The following ZNF385D variants were observed in gnomAD, a reference collection of about 807,000 sequenced individuals.
ZNF385D encodes the protein zinc finger protein 659.
ZNF385D carries 15 observed loss-of-function variants against 35.8 expected under a neutral mutation model. The observed-to-expected ratio is 0.42, with a 90% confidence interval of 0.28 to 0.64. ZNF385D has a LOEUF of 0.64. Among genes scored for constraint, ZNF385D ranks in the 30% least tolerant of loss-of-function variants. The pLI is 0.23. For missense variants in ZNF385D, 474 were observed against 494.6 expected (o/e 0.96, Z 0.39); for synonymous variants, 212 against 186.8 (o/e 1.13, Z -1.10).
chr3:22,352,863 ACT>A lies in ZNF385D; in HGVS notation c.106+19585_106+19586del, dbSNP rs1407688464. On this transcript the variant is annotated intron_variant, in intron 2 of 5. Transcript: ENST00000494108. ...AGTCTAATTCTATAATCTTTCAGTC[ACT>A]TTCAAGTTGTTAAGAGTCACTCAAT... Among the ~76,000 whole-genome samples, 10 of 152,196 alleles carry A rather than the reference ACT, an allele frequency of 6.6e-5. No individual in the cohort carries two copies. The East Asian group carries it at 1.7e-3, about 26-fold the overall frequency.
At chr3:21,861,222 A>AT (rs112002570) in intron 3 of ZNF385D, among the ~76,000 whole-genome samples, 3,131 of 152,082 alleles carry the variant, frequency 0.021, 120 homozygotes, top group African/African-American at 0.07. Flanking sequence ...AACAAGTTCT[A>AT]TTTTTTTCGT....
In ZNF385D at chr3:21,757,874, C is replaced by T. The variant is rs77702874; in HGVS notation, c.326-92846G>A. ...TATCATGTTCATGCTATAACCAATG[C>T]CTCAGATGGTGTCTGAAACATAGGA... is the stretch of plus-strand genomic sequence containing the variant. On this transcript the variant is annotated intron_variant, in intron 3 of 5. Coordinates refer to the ZNF385D transcript ENST00000494108. Among the ~76,000 whole-genome samples, 847 of 152,246 alleles carry T rather than the reference C, an allele frequency of 5.6e-3. 14 individuals are homozygous for T. The highest frequency in any genetic ancestry group is 0.02 in the African/African-American group (821 of 41,550).
chr3:21,858,765 G>A (rs1023733705), intron 3 of ZNF385D, among the ~76,000 whole-genome samples: 1 of 152,040 alleles, frequency 6.6e-6, no homozygotes, highest in East Asian at 1.9e-4. Flanking sequence ...CCATGTTCCC[G>A]AATTTTATAG....
At chr3:21,484,495 T>A (rs1704879442) in intron 4 of ZNF385D, among the ~76,000 whole-genome samples, 1 of 152,128 alleles carries the variant, frequency 6.6e-6, no homozygotes, top group African/African-American at 2.4e-5. Context: ...CTGCGATGTC[T>A]CTCCAGTGCC....
chr3:22,313,121 C>T (rs1040313129), intron 2 of ZNF385D, among the ~76,000 whole-genome samples: 6 of 151,816 alleles, frequency 4.0e-5, no homozygotes, highest in Non-Finnish European at 2.9e-5. Context: ...AAACTGGAAA[C>T]CATCATTCTC....
chr3:21,778,971 T>TA (rs1020880266), intron 3 of ZNF385D, among the ~76,000 whole-genome samples: 1 of 151,976 alleles, frequency 6.6e-6, no homozygotes, highest in African/African-American at 2.4e-5. Flanking sequence ...CAGTGAGAAC[T>TA]AAATTTTGCC....
intron 2 of ZNF385D, among the ~76,000 whole-genome samples, chr3:22,367,810 TATAAG>T (rs1209225123): frequency 6.6e-6 from 1 of 152,092 alleles, no homozygotes; most frequent in Non-Finnish European, 1.5e-5. Context: ...AATCAGAACA[TATAAG>T]ATAACAAAAA....
intron 3 of ZNF385D, chr3:21,877,867 T>G (rs2125858084): frequency 6.6e-6 from 1 of 152,168 alleles, no homozygotes; most frequent in East Asian, 1.9e-4. Context: ...TAAATTTATT[T>G]GGGAAGTTAC....
At chr3:21,869,693 T>C (rs1344712152) in intron 3 of ZNF385D, among the ~76,000 whole-genome samples, 2 of 152,090 alleles carry the variant, frequency 1.3e-5, no homozygotes, top group Admixed American at 6.6e-5. Flanking sequence ...CAACATAAGA[T>C]GAAAAATAAA....
chr3:21,735,571 G>A (rs547002058), intron 1 of ZNF385D, among the ~76,000 whole-genome samples: 3 of 152,166 alleles, frequency 2.0e-5, no homozygotes, highest in African/African-American at 4.8e-5. Flanking sequence ...TCACCAGGAT[G>A]GGGGAGAATG....
In ZNF385D at chr3:22,212,192, A is replaced by G. The variant is rs115291284; in HGVS notation, c.107-43157T>C. Among the ~76,000 whole-genome samples, 1,035 of 152,110 alleles carry G rather than the reference A, an allele frequency of 6.8e-3. 9 individuals are homozygous for G. Among genetic ancestry groups the G allele is most frequent in the African/African-American group, 0.023 (967 of 41,538 alleles). The stretch of plus-strand genomic sequence containing the variant: ...GAGTGCAAAGGACTGAGGAAGAGGG[A>G]GAAAAGACAGGTGGAAGAAGGAGGT... On this transcript the variant is annotated intron_variant, in intron 2 of 5. Coordinates refer to the ZNF385D transcript ENST00000494108.
At chr3:22,184,798 G>A (rs1228116975) in intron 2 of ZNF385D, among the ~76,000 whole-genome samples, 4 of 152,188 alleles carry the variant, frequency 2.6e-5, no homozygotes, top group Non-Finnish European at 4.4e-5. Context: ...GTGAAACTAC[G>A]TCTCAAACAA....
chr3:22,333,952 T>G (rs896528503), intron 2 of ZNF385D, among the ~76,000 whole-genome samples: 10 of 152,244 alleles, frequency 6.6e-5, no homozygotes, highest in Non-Finnish European at 8.8e-5. Flanking sequence ...ACTTGTTCCA[T>G]ACATTCTCTT....
At chr3:22,066,070 A>G (rs1191746535) in intron 3 of ZNF385D, among the ~76,000 whole-genome samples, 1 of 152,164 alleles carries the variant, frequency 6.6e-6, no homozygotes, top group Non-Finnish European at 1.5e-5. Flanking sequence ...TATCTTCCAG[A>G]GATGTTGTCA....
intron 2 of ZNF385D, among the ~76,000 whole-genome samples, chr3:22,238,157 A>G (rs1168021698): frequency 6.6e-6 from 1 of 151,152 alleles, no homozygotes; most frequent in African/African-American, 2.4e-5. Flanking sequence ...CTATTCTACT[A>G]ATCTACATAT....
Position 22,303,746 on chromosome 3 carries a change from G to A in ZNF385D, c.106+68704C>T, listed in dbSNP as rs138409710. Among the ~76,000 whole-genome samples the A allele has an allele frequency of 4.6e-4, 70 of 152,048 alleles. 1 individual carries two copies. In the East Asian group the frequency reaches 0.011, roughly 23 times the overall value. ...CTCAATAATTTTATTTCCTCATTCT[G>A]AGTGTTTTTGGCATTTACTTCTGTT... On this transcript the variant is annotated intron_variant, in intron 2 of 5. Transcript: ENST00000494108.
intron 2 of ZNF385D, among the ~76,000 whole-genome samples, chr3:22,358,393 T>C (rs1696252322): frequency 6.6e-6 from 1 of 151,888 alleles, no homozygotes; most frequent in Non-Finnish European, 1.5e-5. Flanking sequence ...CAGCTTCATT[T>C]TTGAACAAAA....
At chr3:22,236,171 T>C (rs956719575) in intron 2 of ZNF385D, among the ~76,000 whole-genome samples, 22 of 152,116 alleles carry the variant, frequency 1.4e-4, no homozygotes, top group Non-Finnish European at 2.2e-4. Context: ...AATGGTATAA[T>C]CCAGGAAAAA....
At chr3:22,036,294 A>C (rs180687398) in intron 3 of ZNF385D, among the ~76,000 whole-genome samples, 3 of 152,320 alleles carry the variant, frequency 2.0e-5, no homozygotes, top group African/African-American at 4.8e-5. Context: ...ACAGTTAATC[A>C]ACCAAATATA....
Sources: gnomAD v4.1 joint callset for allele counts (sites outside exome capture counted in the v4.1 genomes callset) on GRCh38, gnomAD v4.1.1 for gene constraint, MANE v1.5 for transcripts, NCBI Gene and HGNC (gene_info 2026-07-23, HGNC 2026-07-21) for gene names.